Variants in ZMYM4 observed in about 807,000 individuals in gnomAD.
The protein encoded by ZMYM4 is zinc finger MYM-type containing 4, also known as zinc finger MYM-type protein 4.
ZMYM4 carries 31 observed loss-of-function variants against 183.2 expected under a neutral mutation model. The ratio of observed to expected loss-of-function variants is 0.17; its 90% CI spans 0.13 to 0.23. ZMYM4 has a LOEUF of 0.23. ZMYM4 is among the 10% of genes least tolerant of loss of function. The pLI is 1.00. For missense variants in ZMYM4, 1,273 were observed against 1,840.3 expected (o/e 0.69, Z 5.64); for synonymous variants, 592 against 631.2 (o/e 0.94, Z 0.93).
chr1:35,361,223 C>G lies in ZMYM4; in HGVS notation c.637C>G (p.His213Asp). 2 of 1,605,584 alleles carry G rather than the reference C, an allele frequency of 1.2e-6. No individual in the cohort carries two copies. The highest frequency in any genetic ancestry group is 1.7e-6 in the Non-Finnish European group (2 of 1,176,680). ...ANQVEETLHTHLPQTPETNFR... is the reference protein window; with the variant it reads ...ANQVEETLHTDLPQTPETNFR... Reference sequence around the variant, plus strand: ...TCAAGTTGAAGAAACATTACATACCCATTTACCACAAACCCCAGAAACAAA... The same window carrying G: ...TCAAGTTGAAGAAACATTACATACCGATTTACCACAAACCCCAGAAACAAA... Residue 213 changes from histidine to aspartate, a missense_variant, in exon 4 of 30, where the codon CAT becomes GAT. His to Asp is a moderately conservative substitution (Grantham distance 81, BLOSUM62 -1). This residue lies in a region of ZMYM4 where 384 missense variants were observed against 465.6 expected (regional missense o/e 0.82). Coordinates refer to ENST00000314607, the MANE Select transcript of ZMYM4 (RefSeq NM_005095.3).
At chr1:35,345,583 G>A (rs1643363139) in intron 2 of ZMYM4, among the ~76,000 whole-genome samples, 2 of 151,864 alleles carry the variant, frequency 1.3e-5, no homozygotes, top group African/African-American at 2.4e-5. Context: ...GCTTCCTGAG[G>A]ATTACTGGTG....
Position 35,405,439 on chromosome 1 carries a change from C to G in ZMYM4, c.3767C>G (p.Ser1256Cys), listed in dbSNP as rs763834029. 6.2e-7 allele frequency: 1 copy of G among 1,612,268 alleles called. No homozygotes were observed. Among genetic ancestry groups the G allele is most frequent in the South Asian group, 1.1e-5 (1 of 90,616 alleles). ...GGAAGTACTCAAGACCATGCACTCT[C>G]TCAAGAATCCTCAGAGCCAGGCTGT... ...PLGSTQDHALSQESSEPGCRV... is the reference protein window; with the variant it reads ...PLGSTQDHALCQESSEPGCRV... Residue 1256 changes from serine to cysteine, a missense_variant, in exon 25 of 30, where the codon TCT (serine) becomes TGT (cysteine). Physicochemically the swap from Ser to Cys is moderately radical, Grantham distance 112. Around this residue, in one of 6 missense-constraint regions of ZMYM4, gnomAD observed 133 missense variants for 155.7 expected, o/e 0.85. Coordinates refer to ENST00000314607, the MANE Select transcript of ZMYM4 (RefSeq NM_005095.3).
intron 1 of ZMYM4, among the ~76,000 whole-genome samples, chr1:35,311,352 G>C (rs1421452776): frequency 6.6e-6 from 1 of 151,600 alleles, no homozygotes. Flanking sequence ...AACTCAGGAG[G>C]CGGAGGTTTC....
At chr1:35,352,305 A>AG in intron 2 of ZMYM4, among the ~76,000 whole-genome samples, 1 of 119,932 alleles carries the variant, frequency 8.3e-6, no homozygotes, top group Admixed American at 8.2e-5. Context: ...ACACACACAC[A>AG]CACAGCCAAA....
intron 1 of ZMYM4, among the ~76,000 whole-genome samples, chr1:35,316,254 A>G (rs1312039486): frequency 6.6e-6 from 1 of 152,220 alleles, no homozygotes; most frequent in East Asian, 1.9e-4. Flanking sequence ...AGACTATTAC[A>G]GTATTGAAAT....
intron 1 of ZMYM4, among the ~76,000 whole-genome samples, chr1:35,282,592 G>A (rs1640228679): frequency 6.6e-6 from 1 of 152,096 alleles, no homozygotes; most frequent in African/African-American, 2.4e-5. Context: ...GTCTCACTTT[G>A]TTGTCCAGGC....
At chr1:35,334,226 G>A (rs1232619614) in intron 2 of ZMYM4, among the ~76,000 whole-genome samples, 1 of 152,138 alleles carries the variant, frequency 6.6e-6, no homozygotes, top group Non-Finnish European at 1.5e-5. Context: ...GGCTGAGGTG[G>A]GAAAATTGCT....
intron 1 of ZMYM4, among the ~76,000 whole-genome samples, chr1:35,298,306 G>A (rs1641116505): frequency 6.6e-6 from 1 of 152,138 alleles, no homozygotes; most frequent in South Asian, 2.1e-4. Flanking sequence ...TACTTGAGAG[G>A]CTGAGGTGGA....
rs759379429 is a variant in ZMYM4, at chr1:35,389,906, G to A, written c.2437-42G>A. 1.3e-6 allele frequency: 2 copies of A among 1,574,376 alleles called. No homozygotes were observed. Among genetic ancestry groups the A allele is most frequent in the Non-Finnish European group, 1.7e-6 (2 of 1,156,340 alleles). On this transcript the variant is annotated intron_variant, in intron 14 of 29. Transcript: ENST00000314607. The surrounding 1 kb of genome is among the most constrained non-coding windows in gnomAD (Gnocchi z 4.0). ...CTTATTTTTATTTTGTCAGACCACAGATAATTTGTTTCTTACTCCTTGACT... is the reference window on the plus strand; with the variant it reads ...CTTATTTTTATTTTGTCAGACCACAAATAATTTGTTTCTTACTCCTTGACT...
At chr1:35,292,842 G>A (rs968824290) in intron 1 of ZMYM4, among the ~76,000 whole-genome samples, 4 of 151,992 alleles carry the variant, frequency 2.6e-5, no homozygotes, top group African/African-American at 9.7e-5. Context: ...GAACCCCCAG[G>A]GGAGTTCCCC....
Position 35,336,082 on chromosome 1 carries a change from A to G in ZMYM4, c.85+10677A>G, listed in dbSNP as rs1243922567. On this transcript the variant is annotated intron_variant, in intron 2 of 29. Coordinates refer to ENST00000314607, the MANE Select transcript of ZMYM4 (RefSeq NM_005095.3). ...AGTGAAACTCTGTACCCATTGATCA[A>G]TAAGTCCTCATCACCCCCTCTTCAT... Among the ~76,000 whole-genome samples the G allele has an allele frequency of 5.9e-5, 9 of 152,318 alleles. No individual in the cohort carries two copies. The South Asian group carries it at 1.2e-3, about 21-fold the overall frequency.
rs554746273 is a variant in ZMYM4 at position 35,294,051 on chromosome 1, C to T, written c.39+24966C>T. 5.9e-3 allele frequency among the ~76,000 whole-genome samples: 891 copies of T among 151,862 alleles called. 4 individuals carry two copies. Among genetic ancestry groups the T allele is most frequent in the Middle Eastern group, 0.024 (7 of 294 alleles). On this transcript the variant is annotated intron_variant, in intron 1 of 29. Coordinates refer to ENST00000314607, the MANE Select transcript of ZMYM4 (RefSeq NM_005095.3). Reference sequence around the variant, plus strand: ...TTGGGAGGCTGAGGCAGGAGAATCGCTTGAACCCAGGAGGCAGAGGTTGCA... The same window carrying T: ...TTGGGAGGCTGAGGCAGGAGAATCGTTTGAACCCAGGAGGCAGAGGTTGCA...
At position 35,389,525 on chromosome 1, in the gene ZMYM4, C is replaced by T. The variant is rs1458244145; in HGVS notation, c.2437-423C>T. 1.3e-5 allele frequency among the ~76,000 whole-genome samples: 2 copies of T among 151,824 alleles called. No individual in the cohort carries two copies. The highest frequency in any genetic ancestry group is 1.9e-4 in the East Asian group (1 of 5,160). On this transcript the variant is annotated intron_variant, in intron 14 of 29. Transcript: ENST00000314607. This position sits in a 1 kb window ranked among gnomAD's most constrained non-coding sequence, Gnocchi z 4.0. ...ATCCCAGCACTTTGGGAGGCCGAGG[C>T]GGGTGGATCATGAGGTTAGGAGATC...
chr1:35,389,781 A>ATATATATATATGTGTGTGTG lies in ZMYM4; in HGVS notation c.2437-166_2437-165insATATATATATGTGTGTGTGT, dbSNP rs1553179061. Among the ~76,000 whole-genome samples the ATATATATATATGTGTGTGTG allele has an allele frequency of 1.4e-5, 2 of 141,424 alleles. No homozygotes were observed. Among genetic ancestry groups the ATATATATATATGTGTGTGTG allele is most frequent in the African/African-American group, 5.3e-5 (2 of 37,596 alleles). 92.8% of individuals were successfully genotyped at this position (141,424 alleles called of 152,430 possible). A position where few individuals can be genotyped will look rare whatever the true frequency, so the allele number is the denominator to read the frequency against. On this transcript the variant is annotated intron_variant, in intron 14 of 29. Coordinates refer to ENST00000314607, the MANE Select transcript of ZMYM4 (RefSeq NM_005095.3). The surrounding 1 kb of genome is among the most constrained non-coding windows in gnomAD (Gnocchi z 4.0). ...AAAAAAAAAAAAAATATATATATAT[A>ATATATATATATGTGTGTGTG]TGTGTGTGTGTGTGTGTGTGTGTGT...
intron 2 of ZMYM4, among the ~76,000 whole-genome samples, chr1:35,334,373 A>G (rs1036946893): frequency 1.3e-5 from 2 of 152,140 alleles, no homozygotes; most frequent in African/African-American, 4.8e-5. Context: ...GTGTAGTAAG[A>G]ACACCTTCCC....
At position 35,315,695 on chromosome 1, in the gene ZMYM4, G is replaced by A. The variant is rs141395309; in HGVS notation, c.40-9665G>A. Among the ~76,000 whole-genome samples, 358 of 152,246 alleles carry A rather than the reference G, an allele frequency of 2.4e-3. 1 individual carries two copies. The highest frequency in any genetic ancestry group is 8.4e-3 in the African/African-American group (351 of 41,546). On this transcript the variant is annotated intron_variant, in intron 1 of 29. Transcript: ENST00000314607. ...CCCCTGTAACCCTAGCACTTTGGGA[G>A]GCTGAGTTGGGAGGATCGCTTTAGC... is the stretch of plus-strand genomic sequence containing the variant.
chr1:35,390,173 C>A (rs1644673701), intron 15 of ZMYM4, 75 bp downstream of exon 15: 4 of 1,460,112 alleles, frequency 2.7e-6, no homozygotes, highest in Admixed American at 4.2e-5. Context: ...AGATCAGGAA[C>A]TGTGTAAACA....
At chr1:35,315,916 T>A (rs1416544435) in intron 1 of ZMYM4, among the ~76,000 whole-genome samples, 7 of 152,092 alleles carry the variant, frequency 4.6e-5, no homozygotes, top group Non-Finnish European at 8.8e-5. Flanking sequence ...ACAGAGTGAG[T>A]CCCTGTCTGG....
At position 35,343,194 on chromosome 1, in the gene ZMYM4, T is replaced by G. The variant is rs527720089; in HGVS notation, c.86-15731T>G. 9.8e-5 allele frequency among the ~76,000 whole-genome samples: 15 copies of G among 152,310 alleles called. No homozygotes were observed. The South Asian group carries it at 2.9e-3, about 29-fold the overall frequency. ...TTTGAAAAGCACAAATTTTTAATAT[T>G]GATGAAGCCCAATTTTATTATTATA... is the stretch of plus-strand genomic sequence containing the variant. On this transcript the variant is annotated intron_variant, in intron 2 of 29. Transcript: ENST00000314607.
Sources: allele counts gnomAD v4.1 joint callset (sites outside exome capture counted in the v4.1 genomes callset), GRCh38; gene constraint gnomAD v4.1.1; regional missense constraint gnomAD v4.1.1; non-coding constraint Gnocchi (gnomAD v3.1); transcripts MANE v1.5; gene names NCBI Gene and HGNC (gene_info 2026-07-23, HGNC 2026-07-21).